The following FHL2 variants were observed in gnomAD, a reference collection of about 807,000 sequenced individuals.
FHL2 encodes the protein four and a half LIM domains protein 2.
FHL2 carries 20 observed loss-of-function variants against 32.7 expected under a neutral mutation model. That is an observed-to-expected ratio of 0.61 (90% confidence interval 0.43 to 0.89). FHL2 has a LOEUF of 0.89. Among genes scored for constraint, FHL2 ranks in the 40% least tolerant of loss-of-function variants. FHL2 has a pLI of 0.00. For synonymous variants in FHL2, 123 were observed against 128.1 expected (o/e 0.96, Z 0.27); for missense variants, 311 against 358.6 (o/e 0.87, Z 1.07).
At chr2:105,389,431 G>T (rs1196195283) in intron 2 of FHL2, among the ~76,000 whole-genome samples, 2 of 152,106 alleles carry the variant, frequency 1.3e-5, no homozygotes, top group African/African-American at 4.8e-5. Context: ...TCCAATAAAG[G>T]GTGTGATTTA....
chr2:105,415,757 G>A (rs1683913451), intron 1 of FHL2, among the ~76,000 whole-genome samples: 1 of 152,202 alleles, frequency 6.6e-6, no homozygotes, highest in South Asian at 2.1e-4. Flanking sequence ...TTTCTTAAAA[G>A]CACCGGGATT....
chr2:105,361,327 CTG>C lies in FHL2; in HGVS notation c.794_795del (p.Thr265ArgfsTer25). ...SLSLVGRGFL[T>X]ERDDILCPDC... ...TCGGGGCACAGGATGTCGTCCCTCT[CTG>C]TGAGGAAGCCACGCCCCACCAGTGA... On this transcript the variant is annotated frameshift_variant, in exon 7 of 7. Transcript: ENST00000530340. LOFTEE classifies it high-confidence loss of function. The C allele has an allele frequency of 6.2e-7, 1 of 1,614,174 alleles. No homozygotes were observed. Among genetic ancestry groups the C allele is most frequent in the African/African-American group, 1.3e-5 (1 of 75,062 alleles).
At position 105,363,475 on chromosome 2, in the gene FHL2, C is replaced by T; in HGVS notation, c.502-4G>A. 1 of 1,602,532 alleles carries T rather than the reference C, an allele frequency of 6.2e-7. No homozygotes were observed. On this transcript the variant is annotated splice_region_variant and splice_polypyrimidine_tract_variant and intron_variant, in intron 5 of 6. Transcript: ENST00000530340. ...TGACCCCTCCCGTGGTGATGGGCTG[C>T]AGGGACGAGGGGGAGAGTTAGTGTG...
chr2:105,412,686 G>C (rs571063377), intron 1 of FHL2, among the ~76,000 whole-genome samples: 1 of 152,204 alleles, frequency 6.6e-6, no homozygotes, highest in Admixed American at 6.5e-5. Flanking sequence ...TAAGGTTTAG[G>C]GGGCAGCATC....
chr2:105,421,544 T>C (rs1684104336), intron 1 of FHL2, among the ~76,000 whole-genome samples: 1 of 152,148 alleles, frequency 6.6e-6, no homozygotes, highest in Non-Finnish European at 1.5e-5. Context: ...TTTTTTGTTG[T>C]TGTTGTTGTT....
intron 5 of FHL2, among the ~76,000 whole-genome samples, chr2:105,367,029 C>A (rs1015384796): frequency 6.6e-6 from 1 of 152,224 alleles, no homozygotes; most frequent in Non-Finnish European, 1.5e-5. Context: ...CAGCCTTGGC[C>A]TCCCACAGTG....
At chr2:105,395,836 G>A (rs1004795348) in intron 2 of FHL2, among the ~76,000 whole-genome samples, 5 of 152,170 alleles carry the variant, frequency 3.3e-5, no homozygotes, top group Non-Finnish European at 7.3e-5. Context: ...TCTTGAAGCC[G>A]CAGACAGAAT....
intron 1 of FHL2, among the ~76,000 whole-genome samples, chr2:105,430,041 T>C (rs1218773672): frequency 6.6e-6 from 1 of 152,216 alleles, no homozygotes; most frequent in Admixed American, 6.5e-5. Context: ...TAGGACCTTG[T>C]GCCCTGGCAA....
chr2:105,377,705 TC>T (rs1319666508), intron 3 of FHL2: 8 of 203,942 alleles, frequency 3.9e-5, no homozygotes, highest in Non-Finnish European at 7.1e-5. Context: ...GTTACCTCTG[TC>T]CCCCTGTGCA....
At chr2:105,424,374 A>G (rs542498426) in intron 1 of FHL2, among the ~76,000 whole-genome samples, 1 of 152,338 alleles carries the variant, frequency 6.6e-6, no homozygotes, top group African/African-American at 2.4e-5. Flanking sequence ...AAGTCAGGAA[A>G]CAACAGATGC....
At chr2:105,409,464 A>T (rs1683731572) in intron 1 of FHL2, among the ~76,000 whole-genome samples, 2 of 152,178 alleles carry the variant, frequency 1.3e-5, no homozygotes, top group Non-Finnish European at 2.9e-5. Context: ...AGGGAAGGAT[A>T]GGGGAGATTT....
At chr2:105,368,408 T>C (rs781744626) in intron 4 of FHL2, among the ~76,000 whole-genome samples, 2 of 152,210 alleles carry the variant, frequency 1.3e-5, no homozygotes, top group African/African-American at 2.4e-5. Flanking sequence ...CCTGGCTCAC[T>C]GCAGCCTTGA....
intron 1 of FHL2, among the ~76,000 whole-genome samples, chr2:105,397,177 A>G (rs2104628500): frequency 6.6e-6 from 1 of 152,182 alleles, no homozygotes; most frequent in African/African-American, 2.4e-5. Flanking sequence ...AAATATTCAA[A>G]TGTTCCTCCC....
intron 3 of FHL2, chr2:105,385,838 T>C (rs1013248436): frequency 5.0e-5 from 8 of 159,804 alleles, no homozygotes; most frequent in Non-Finnish European, 6.8e-5. Flanking sequence ...CATTTCCCCA[T>C]TGAAAGGAAA....
At chr2:105,430,338 T>G (rs1684392123) in intron 1 of FHL2, among the ~76,000 whole-genome samples, 1 of 152,084 alleles carries the variant, frequency 6.6e-6, no homozygotes, top group Non-Finnish European at 1.5e-5. Context: ...TTAAAGCAGG[T>G]CAGAGAAGCC....
chr2:105,399,308 C>T (rs1220252765), upstream of FHL2: 2 of 1,535,658 alleles, frequency 1.3e-6, no homozygotes, highest in South Asian at 1.2e-5. Context: ...GGCGTGGGCT[C>T]TCGGGCGCGA....
intron 1 of FHL2, among the ~76,000 whole-genome samples, chr2:105,418,335 C>T (rs1683995239): frequency 6.6e-6 from 1 of 152,104 alleles, no homozygotes; most frequent in Non-Finnish European, 1.5e-5. Flanking sequence ...GGGCAAGCCA[C>T]CTGGGCCACA....
At chr2:105,382,729 T>C (rs1370420435) in intron 3 of FHL2, among the ~76,000 whole-genome samples, 4 of 152,072 alleles carry the variant, frequency 2.6e-5, no homozygotes, top group Non-Finnish European at 4.4e-5. Context: ...TCCAAGCACA[T>C]GGGTGGGTAT....
At chr2:105,412,465 C>T (rs1378377287) in intron 1 of FHL2, among the ~76,000 whole-genome samples, 1 of 152,102 alleles carries the variant, frequency 6.6e-6, no homozygotes, top group Non-Finnish European at 1.5e-5. Flanking sequence ...GGACAGCCAT[C>T]CAAATAGAAA....
Sources: allele counts gnomAD v4.1 joint callset (sites outside exome capture counted in the v4.1 genomes callset), GRCh38; gene constraint gnomAD v4.1.1; transcripts MANE v1.5; gene names NCBI Gene and HGNC (gene_info 2026-07-23, HGNC 2026-07-21).